Variants in CMKLR2 observed in about 807,000 individuals in gnomAD.
The protein encoded by CMKLR2 is chemerin-like receptor 2.
CMKLR2 carries 18 observed loss-of-function variants against 23.0 expected under a neutral mutation model. That is an observed-to-expected ratio of 0.78 (90% CI 0.54 to 1.16). The LOEUF (loss-of-function observed/expected upper bound fraction) is 1.16. Ranked by LOEUF, CMKLR2 falls within the 50% of genes most tolerant of loss-of-function variation. The probability of loss-of-function intolerance (pLI) is 0.00; values close to 1 mark genes in which losing one functional copy is unlikely to be tolerated. For missense variants in CMKLR2, 401 were observed against 412.7 expected (o/e 0.97, Z 0.25); for synonymous variants, 158 against 158.9 (o/e 0.99, Z 0.05).
At chr2:206,185,723 C>T (rs975055954) in intron 1 of CMKLR2, among the ~76,000 whole-genome samples, 9 of 152,102 alleles carry the variant, frequency 5.9e-5, no homozygotes, top group Non-Finnish European at 7.4e-5. Context: ...CCAGAGATGA[C>T]GGTGGCTTGG....
chr2:206,203,161 C>CAAAAAAAA (rs35488030), intron 1 of CMKLR2, among the ~76,000 whole-genome samples: 6,750 of 118,588 alleles, frequency 0.057, 298 homozygotes, highest in Admixed American at 0.12. Context: ...TCTAAAACTA[C>CAAAAAAAA]AAAAAAAAAA....
chr2:206,175,909 GCATTT>G lies in CMKLR2; in HGVS notation c.*266_*270del, dbSNP rs1173173308. 4.1e-5 allele frequency: 13 copies of G among 314,168 alleles called. No individual in the cohort carries two copies. Among genetic ancestry groups the G allele is most frequent in the Admixed American group, 2.2e-4 (5 of 22,278 alleles). The allele number at this position is 314,168 out of a possible 1,614,324, so 19.5% of individuals were successfully genotyped here. A position where few individuals can be genotyped will look rare whatever the true frequency, so the allele number is the denominator to read the frequency against. On this transcript the variant is annotated 3_prime_UTR_variant, in exon 2 of 2. Transcript: ENST00000621141. ...CCATGGTATAATTAACAAGAATGAT[GCATTT>G]CATTTAAGTTGCAGAAAAAAATTAT...
rs758246603 is a variant in CMKLR2, at chr2:206,176,967, A to G, written c.281T>C (p.Ile94Thr). 5 of 1,614,204 alleles carry G rather than the reference A, an allele frequency of 3.1e-6. No homozygotes were observed. The highest frequency in any genetic ancestry group is 3.4e-6 in the Non-Finnish European group (4 of 1,180,038). ...FIFLLFLPLY[I>T]SYVAMNFHWP... Reference sequence around the variant, plus strand: ...GTGGAAATTCATGGCCACATAGGAGATGTACAGGGGCAGAAAGAGAAGAAA... The same window carrying G: ...GTGGAAATTCATGGCCACATAGGAGGTGTACAGGGGCAGAAAGAGAAGAAA... Residue 94 changes from isoleucine to threonine, a missense_variant, in exon 2 of 2, where the codon ATC becomes ACC. Ile to Thr is a moderately conservative substitution (Grantham distance 89). Transcript: ENST00000621141.
intron 1 of CMKLR2, among the ~76,000 whole-genome samples, chr2:206,179,077 TTTTTTTTTTTTTTTTG>T (rs1688324147): frequency 8.1e-6 from 1 of 123,936 alleles, no homozygotes; most frequent in South Asian, 2.8e-4. Flanking sequence ...TTTTTTTTTT[TTTTTTTTTTTTTTTTG>T]AGACAGAATT....
chr2:206,180,889 G>A (rs1576035713), intron 1 of CMKLR2, among the ~76,000 whole-genome samples: 2 of 151,006 alleles, frequency 1.3e-5, no homozygotes, highest in South Asian at 4.2e-4. Context: ...CTAATAGCTG[G>A]GATTACAGGT....
At chr2:206,178,858 A>G (rs1688312338) in intron 1 of CMKLR2, among the ~76,000 whole-genome samples, 1 of 152,018 alleles carries the variant, frequency 6.6e-6, no homozygotes, top group Admixed American at 6.6e-5. Flanking sequence ...CATGTTGACC[A>G]GGCTGGTCTC....
chr2:206,195,920 A>G (rs1226369684), intron 1 of CMKLR2, among the ~76,000 whole-genome samples: 2 of 151,482 alleles, frequency 1.3e-5, no homozygotes, highest in Non-Finnish European at 2.9e-5. Flanking sequence ...CACCATTGCA[A>G]TACAGCCTGG....
intron 1 of CMKLR2, among the ~76,000 whole-genome samples, chr2:206,189,657 G>T (rs949957872): frequency 6.6e-6 from 1 of 151,244 alleles, no homozygotes; most frequent in East Asian, 1.9e-4. Flanking sequence ...AAAAAGAAAA[G>T]AAAAGAATGA....
At chr2:206,192,500 C>T (rs1214780310) in intron 1 of CMKLR2, among the ~76,000 whole-genome samples, 1 of 151,554 alleles carries the variant, frequency 6.6e-6, no homozygotes, top group East Asian at 1.9e-4. Context: ...GTCAGGGCTT[C>T]AAGACCATAG....
intron 1 of CMKLR2, among the ~76,000 whole-genome samples, chr2:206,183,349 A>T (rs1375792780): frequency 6.6e-6 from 1 of 152,116 alleles, no homozygotes; most frequent in Non-Finnish European, 1.5e-5. Context: ...TTCCAATGTC[A>T]TTATTGACCC....
In CMKLR2 at chr2:206,206,323, C is replaced by T. The variant is rs962300363; in HGVS notation, c.-29+6984G>A. On this transcript the variant is annotated intron_variant, in intron 1 of 1. Transcript: ENST00000621141. Reference sequence around the variant, plus strand: ...TGAATACAGTTAATAAAATGAGAGTCACATTGGGGGACAATAACAAATGGA... The same window carrying T: ...TGAATACAGTTAATAAAATGAGAGTTACATTGGGGGACAATAACAAATGGA... Among the ~76,000 whole-genome samples the T allele has an allele frequency of 4.6e-5, 7 of 152,228 alleles. 1 individual carries two copies. The South Asian group carries it at 1.0e-3, about 23-fold the overall frequency.
chr2:206,201,394 C>T (rs138352386), intron 1 of CMKLR2, among the ~76,000 whole-genome samples: 6 of 152,286 alleles, frequency 3.9e-5, no homozygotes, highest in African/African-American at 1.2e-4. Context: ...CATAATTCTA[C>T]ATTAAAGAGA....
At chr2:206,207,809 C>T (rs369862788) in intron 1 of CMKLR2, among the ~76,000 whole-genome samples, 2 of 129,464 alleles carry the variant, frequency 1.5e-5, no homozygotes, top group African/African-American at 5.9e-5. Flanking sequence ...ATGGCGTGTT[C>T]TCGGCTCACC....
At chr2:206,177,747 G>T (rs1046018566) in intron 1 of CMKLR2, among the ~76,000 whole-genome samples, 13 of 152,100 alleles carry the variant, frequency 8.5e-5, no homozygotes, top group Non-Finnish European at 1.9e-4. Context: ...GTCTTGGTGA[G>T]CCTCAGTTTC....
At chr2:206,193,488 T>C (rs1163439434) in intron 1 of CMKLR2, among the ~76,000 whole-genome samples, 1 of 152,228 alleles carries the variant, frequency 6.6e-6, no homozygotes, top group East Asian at 1.9e-4. Flanking sequence ...GCACAGGACT[T>C]CTGTAACTTT....
intron 1 of CMKLR2, among the ~76,000 whole-genome samples, chr2:206,208,885 G>T (rs930171163): frequency 6.6e-6 from 1 of 152,064 alleles, no homozygotes; most frequent in Non-Finnish European, 1.5e-5. Flanking sequence ...TGCCCAGGCT[G>T]GTCTCGAACT....
rs1023717476 is a variant in CMKLR2 at position 206,182,427 on chromosome 2, A to G, written c.-28-5152T>C. ...TAATTTCTTCTCTATTAGACTGTGA[A>G]CTCTTTGAGAATAAGGACTGTCATG... On this transcript the variant is annotated intron_variant, in intron 1 of 1. Coordinates refer to ENST00000621141, the MANE Select transcript of CMKLR2 (RefSeq NM_001389445.1). 2.4e-4 allele frequency among the ~76,000 whole-genome samples: 36 copies of G among 152,132 alleles called. 1 individual carries two copies. The highest frequency in any genetic ancestry group is 8.4e-4 in the African/African-American group (35 of 41,490).
At chr2:206,207,728 C>CTTTTTCTTTTTTTT (rs1689383162) in intron 1 of CMKLR2, among the ~76,000 whole-genome samples, 2 of 43,582 alleles carry the variant, frequency 4.6e-5, no homozygotes, top group South Asian at 1.5e-3. Context: ...ACCTCAGGGC[C>CTTTTTCTTTTTTTT]TTTTTTTTTT....
chr2:206,202,173 C>T (rs1689118915), intron 1 of CMKLR2, among the ~76,000 whole-genome samples: 2 of 152,142 alleles, frequency 1.3e-5, no homozygotes, highest in African/African-American at 4.8e-5. Flanking sequence ...TGGTACATTT[C>T]TCATACTTGG....
Sources: allele counts gnomAD v4.1 joint callset (sites outside exome capture counted in the v4.1 genomes callset), GRCh38; gene constraint gnomAD v4.1.1; transcripts MANE v1.5; gene names NCBI Gene and HGNC (gene_info 2026-07-23, HGNC 2026-07-21).